The following SLC27A6 variants were observed in gnomAD, a reference collection of about 807,000 sequenced individuals.
The protein encoded by SLC27A6 is solute carrier family 27 member 6, also known as long-chain fatty acid transport protein 6.
Under a neutral mutation model 63.9 loss-of-function variants are expected in SLC27A6, and 74 were observed. That is an observed-to-expected ratio of 1.16 (90% CI 0.96 to 1.40). The LOEUF is 1.40. Among genes scored for constraint, SLC27A6 ranks in the 40% most tolerant of loss-of-function variants. SLC27A6 has a pLI of 0.00. For missense variants in SLC27A6, 794 were observed against 732.9 expected, an observed-to-expected ratio of 1.08 and a Z score of -0.96; for synonymous variants, 287 against 260.8, an observed-to-expected ratio of 1.10 and a Z score of -0.97.
At chr5:128,968,284 G>A (rs903138808) in intron 1 of SLC27A6, among the ~76,000 whole-genome samples, 1 of 152,118 alleles carries the variant, frequency 6.6e-6, no homozygotes, top group African/African-American at 2.4e-5. Context: ...CCCGGTAATG[G>A]GATGGCTGGG....
intron 4 of SLC27A6, among the ~76,000 whole-genome samples, chr5:129,001,237 C>T (rs973379208): frequency 7.9e-5 from 12 of 152,250 alleles, no homozygotes; most frequent in African/African-American, 2.9e-4. Flanking sequence ...ACTCTCTCCC[C>T]ACACCACTCC....
chr5:129,013,584 T>G (rs1311266057), intron 4 of SLC27A6, among the ~76,000 whole-genome samples: 1 of 152,064 alleles, frequency 6.6e-6, no homozygotes, highest in African/African-American at 2.4e-5. Flanking sequence ...TCCCTCTCTT[T>G]TTAATTTTTA....
intron 1 of SLC27A6, among the ~76,000 whole-genome samples, chr5:128,967,762 A>C (rs954811487): frequency 6.6e-6 from 1 of 151,932 alleles, no homozygotes; most frequent in Non-Finnish European, 1.5e-5. Flanking sequence ...CTTATTTATT[A>C]TTATTTTTTA....
chr5:128,982,840 G>T (rs921887789), intron 1 of SLC27A6, among the ~76,000 whole-genome samples: 9 of 152,060 alleles, frequency 5.9e-5, no homozygotes, highest in African/African-American at 2.2e-4. Context: ...ACTTAGATTT[G>T]TTATAGAAAT....
At position 129,023,845 on chromosome 5, in the gene SLC27A6, T is replaced by A. The variant is rs531294678; in HGVS notation, c.1255+135T>A. ...AAAATTCATGGATGTTTGCTCCTTA[T>A]ATAAAATGATACAGTATTTGCCTAT... On this transcript the variant is annotated intron_variant, in intron 6 of 9. Coordinates refer to ENST00000262462, the MANE Select transcript of SLC27A6 (RefSeq NM_001017372.3). The A allele has an allele frequency of 1.6e-5, 10 of 637,746 alleles. No individual in the cohort carries two copies. In the East Asian group the frequency reaches 2.7e-4, roughly 18 times the overall value. The allele number at this position is 637,746 out of a possible 1,614,324, so 39.5% of individuals were successfully genotyped here.
At chr5:128,979,680 G>A (rs257902) in intron 1 of SLC27A6, among the ~76,000 whole-genome samples, 61,060 of 151,830 alleles carry the variant, frequency 0.4, 13,124 homozygotes, top group East Asian at 0.85. Flanking sequence ...TGAAGTGTTC[G>A]ACTTTTTCTT....
intron 1 of SLC27A6, among the ~76,000 whole-genome samples, chr5:128,967,042 G>A (rs1352194222): frequency 1.3e-5 from 2 of 152,120 alleles, no homozygotes; most frequent in African/African-American, 2.4e-5. Context: ...TATGTTTAAA[G>A]GAAGGTACCT....
At chr5:128,991,427 A>G (rs1354492725) in intron 4 of SLC27A6, among the ~76,000 whole-genome samples, 1 of 152,226 alleles carries the variant, frequency 6.6e-6, no homozygotes, top group African/African-American at 2.4e-5. Flanking sequence ...GAAAATAAAC[A>G]GAGAGCTATC....
chr5:129,017,768 C>A (rs1347943720), intron 5 of SLC27A6, among the ~76,000 whole-genome samples: 1 of 151,998 alleles, frequency 6.6e-6, no homozygotes, highest in Non-Finnish European at 1.5e-5. Context: ...GGATAAATTT[C>A]TAGAAATGTA....
chr5:128,997,895 C>A (rs1446142242), intron 4 of SLC27A6, among the ~76,000 whole-genome samples: 1 of 152,058 alleles, frequency 6.6e-6, no homozygotes, highest in Non-Finnish European at 1.5e-5. Context: ...ATACCTACTT[C>A]TTCTAATTGG....
chr5:128,966,273 A>G lies in SLC27A6; in HGVS notation c.136A>G (p.Lys46Glu), dbSNP rs777246649. 1 of 1,613,954 alleles carries G rather than the reference A, an allele frequency of 6.2e-7. No individual in the cohort carries two copies. The highest frequency in any genetic ancestry group is 1.3e-5 in the African/African-American group (1 of 75,032). Reference protein sequence around the residue: ...KVVLIIIRLKKYEKRGELVTV... With the variant: ...KVVLIIIRLKEYEKRGELVTV... ...GGTGCTCATTATAATTCGGCTGAAG[A>G]AGTATGAAAAGAGAGGGGAGCTGGT... Residue 46 changes from lysine (K) to glutamate (E), a missense_variant, in exon 1 of 10, where the codon AAG (lysine) becomes GAG (glutamate). Coordinates refer to ENST00000262462, the MANE Select transcript of SLC27A6 (RefSeq NM_001017372.3).
intron 8 of SLC27A6, among the ~76,000 whole-genome samples, chr5:129,029,262 T>C (rs1054819957): frequency 2.6e-5 from 4 of 152,118 alleles, no homozygotes; most frequent in Non-Finnish European, 4.4e-5. Context: ...TTTAAATAAA[T>C]GTTTTCTTTC....
intron 4 of SLC27A6, among the ~76,000 whole-genome samples, chr5:129,014,423 C>A (rs1479974541): frequency 6.6e-6 from 1 of 152,108 alleles, no homozygotes; most frequent in Admixed American, 6.6e-5. Flanking sequence ...CAACAGTTAC[C>A]AGGTAAGACT....
chr5:129,013,909 A>C (rs1402414893), intron 4 of SLC27A6, among the ~76,000 whole-genome samples: 1 of 152,176 alleles, frequency 6.6e-6, no homozygotes, highest in Non-Finnish European at 1.5e-5. Flanking sequence ...TGAGGCACTA[A>C]ATGCCTGATG....
chr5:129,005,507 A>G (rs1366442129), intron 4 of SLC27A6, among the ~76,000 whole-genome samples: 3 of 151,626 alleles, frequency 2.0e-5, no homozygotes, highest in Non-Finnish European at 4.4e-5. Flanking sequence ...GTTAGTAAAT[A>G]TTTTAAGCTT....
At chr5:129,003,185 A>G (rs1751401112) in intron 4 of SLC27A6, among the ~76,000 whole-genome samples, 1 of 152,006 alleles carries the variant, frequency 6.6e-6, no homozygotes, top group Admixed American at 6.6e-5. Flanking sequence ...CTGTCTCTGC[A>G]TTTTTCTCTC....
At position 129,033,182 on chromosome 5, in the gene SLC27A6, T is replaced by G; in HGVS notation, c.1760T>G (p.Ile587Ser). ...LVEDGFNPLK[I>S]SEPLYFMDNL... Reference sequence around the variant, plus strand: ...GAAGATGGATTTAATCCACTGAAAATTTCTGAACCACTTTACTTCATGGAT... The same window carrying G: ...GAAGATGGATTTAATCCACTGAAAAGTTCTGAACCACTTTACTTCATGGAT... The change falls in exon 10 of 10, where the codon ATT becomes AGT. Residue 587 changes from isoleucine (I) to serine (S), a missense_variant. Coordinates refer to ENST00000262462, the MANE Select transcript of SLC27A6 (RefSeq NM_001017372.3). 6.2e-7 allele frequency: 1 copy of G among 1,609,332 alleles called. No homozygotes were observed. Among genetic ancestry groups the G allele is most frequent in the Middle Eastern group, 1.7e-4 (1 of 6,030 alleles).
intron 8 of SLC27A6, 140 bp downstream of exon 8, chr5:129,028,582 T>C: frequency 1.8e-6 from 1 of 561,738 alleles, no homozygotes; most frequent in Non-Finnish European, 3.1e-6. Flanking sequence ...TGGCAAGTAA[T>C]GCCCCTTGAC....
intron 5 of SLC27A6, among the ~76,000 whole-genome samples, chr5:129,022,373 T>G (rs1329202428): frequency 1.3e-5 from 2 of 152,154 alleles, no homozygotes; most frequent in African/African-American, 4.8e-5. Context: ...ATATTTTAAT[T>G]CAAATAATGA....
Sources: gnomAD v4.1 joint callset for allele counts (sites outside exome capture counted in the v4.1 genomes callset) on GRCh38, gnomAD v4.1.1 for gene constraint, MANE v1.5 for transcripts, NCBI Gene and HGNC (gene_info 2026-07-23, HGNC 2026-07-21) for gene names.